The following RAP1GDS1 variants were observed in gnomAD, a reference collection of about 807,000 sequenced individuals.
RAP1GDS1 encodes Rap1 GTPase-GDP dissociation stimulator 1.
In RAP1GDS1, 35 loss-of-function variants were observed where a neutral mutation model predicts 71.1. The ratio of observed to expected loss-of-function variants is 0.49; its 90% confidence interval spans 0.38 to 0.65. RAP1GDS1 has a LOEUF of 0.65. RAP1GDS1 is among the 30% of genes least tolerant of loss of function. The probability of loss-of-function intolerance (pLI) is 0.00; values close to 1 mark genes in which losing one functional copy is unlikely to be tolerated. For synonymous variants in RAP1GDS1, 229 were observed against 243.1 expected, an observed-to-expected ratio of 0.94 and a Z score of 0.54; for missense variants, 663 against 706.1, an observed-to-expected ratio of 0.94 and a Z score of 0.69.
chr4:98,365,082 T>C (rs1174962312), intron 4 of RAP1GDS1, among the ~76,000 whole-genome samples: 1 of 152,134 alleles, frequency 6.6e-6, no homozygotes, highest in Non-Finnish European at 1.5e-5. Flanking sequence ...GATTTATTCT[T>C]GACATTTTCT....
At chr4:98,404,243 C>G (rs1376250893) in intron 6 of RAP1GDS1, among the ~76,000 whole-genome samples, 1 of 152,090 alleles carries the variant, frequency 6.6e-6, no homozygotes, top group Non-Finnish European at 1.5e-5. Flanking sequence ...TTTGTTGTTG[C>G]TGTGGTTACT....
intron 5 of RAP1GDS1, among the ~76,000 whole-genome samples, chr4:98,391,704 A>C (rs1199116188): frequency 1.3e-5 from 2 of 152,158 alleles, no homozygotes; most frequent in East Asian, 3.8e-4. Flanking sequence ...TAATGATTTG[A>C]TATAGTCTTC....
At chr4:98,329,668 A>C (rs1278245627) in intron 2 of RAP1GDS1, among the ~76,000 whole-genome samples, 1 of 151,976 alleles carries the variant, frequency 6.6e-6, no homozygotes, top group African/African-American at 2.4e-5. Flanking sequence ...AGACACCTGT[A>C]ATCCCAGCTA....
chr4:98,421,624 G>A (rs532624381), intron 12 of RAP1GDS1, among the ~76,000 whole-genome samples: 303 of 152,232 alleles, frequency 2.0e-3, no homozygotes, highest in African/African-American at 7.2e-3. Flanking sequence ...TACCACCACC[G>A]TTATCAGCAT....
chr4:98,267,502 C>G (rs1046208614), intron 1 of RAP1GDS1, among the ~76,000 whole-genome samples: 14 of 152,050 alleles, frequency 9.2e-5, no homozygotes, highest in Non-Finnish European at 2.1e-4. Flanking sequence ...TCCATTTGTC[C>G]CCCTCTAGTA....
intron 4 of RAP1GDS1, among the ~76,000 whole-genome samples, chr4:98,363,965 C>G (rs927102102): frequency 6.6e-6 from 1 of 152,006 alleles, no homozygotes; most frequent in Non-Finnish European, 1.5e-5. Context: ...AGTACCTGGA[C>G]AGAAGATGGG....
At chr4:98,318,169 A>T (rs1731225905) in intron 2 of RAP1GDS1, among the ~76,000 whole-genome samples, 1 of 152,016 alleles carries the variant, frequency 6.6e-6, no homozygotes, top group African/African-American at 2.4e-5. Flanking sequence ...TTGAACACTG[A>T]ATCTAGCCAC....
chr4:98,314,623 T>C (rs1179340176), intron 2 of RAP1GDS1, among the ~76,000 whole-genome samples: 1 of 152,186 alleles, frequency 6.6e-6, no homozygotes, highest in East Asian at 1.9e-4. Flanking sequence ...GGGATGCAGT[T>C]CTATTCAACT....
At chr4:98,346,344 T>A (rs1486094163) in intron 3 of RAP1GDS1, among the ~76,000 whole-genome samples, 1 of 152,062 alleles carries the variant, frequency 6.6e-6, no homozygotes, top group East Asian at 1.9e-4. Context: ...AGTCTCCTGT[T>A]CTGTTTTATT....
intron 4 of RAP1GDS1, among the ~76,000 whole-genome samples, chr4:98,363,788 A>G (rs1381929670): frequency 6.6e-6 from 1 of 152,178 alleles, no homozygotes; most frequent in Admixed American, 6.5e-5. Flanking sequence ...GAAGGGAAGC[A>G]TTGAGACTAA....
chr4:98,290,522 T>C (rs1222194891), intron 1 of RAP1GDS1, among the ~76,000 whole-genome samples: 1 of 152,122 alleles, frequency 6.6e-6, no homozygotes, highest in African/African-American at 2.4e-5. Flanking sequence ...TTATGAAAAC[T>C]CTTCCATTGC....
chr4:98,306,116 G>A (rs1729285938), intron 2 of RAP1GDS1, among the ~76,000 whole-genome samples: 1 of 152,186 alleles, frequency 6.6e-6, no homozygotes, highest in Non-Finnish European at 1.5e-5. Flanking sequence ...GGAGTAGTCT[G>A]TGGACATATA....
intron 13 of RAP1GDS1, 111 bp downstream of exon 13, chr4:98,434,173 T>C: frequency 1.6e-6 from 2 of 1,275,472 alleles, no homozygotes; most frequent in East Asian, 2.4e-5. Context: ...ATTTTGCTAG[T>C]GTCTGTACCG....
intron 9 of RAP1GDS1, among the ~76,000 whole-genome samples, chr4:98,418,173 A>G (rs1434395379): frequency 1.3e-5 from 2 of 152,124 alleles, no homozygotes; most frequent in Non-Finnish European, 2.9e-5. Context: ...CTTCCTAATT[A>G]TGGAGGTAAG....
intron 2 of RAP1GDS1, among the ~76,000 whole-genome samples, chr4:98,320,347 G>GT (rs1731631490): frequency 6.6e-6 from 1 of 152,124 alleles, no homozygotes; most frequent in African/African-American, 2.4e-5. Context: ...TAGGTTTTGT[G>GT]TTTTTTGTAG....
At chr4:98,367,928 GA>G (rs1279933694) in intron 4 of RAP1GDS1, among the ~76,000 whole-genome samples, 1 of 152,136 alleles carries the variant, frequency 6.6e-6, no homozygotes, top group Non-Finnish European at 1.5e-5. Context: ...AGTTAATGCT[GA>G]AATAAGAATT....
At chr4:98,436,042 G>A (rs982455823) in intron 13 of RAP1GDS1, among the ~76,000 whole-genome samples, 2 of 151,024 alleles carry the variant, frequency 1.3e-5, no homozygotes, top group African/African-American at 4.9e-5. Flanking sequence ...CTGCACTCCA[G>A]CCTGGGCGAC....
At chr4:98,400,351 TAC>T (rs757049858) in intron 6 of RAP1GDS1, among the ~76,000 whole-genome samples, 2 of 150,928 alleles carry the variant, frequency 1.3e-5, no homozygotes, top group Non-Finnish European at 3.0e-5. Flanking sequence ...TATATGTATA[TAC>T]ACACACACAC....
chr4:98,273,155 G>A (rs1482708284), intron 1 of RAP1GDS1, among the ~76,000 whole-genome samples: 1 of 152,094 alleles, frequency 6.6e-6, no homozygotes, highest in Non-Finnish European at 1.5e-5. Flanking sequence ...TGCACTGTAT[G>A]TTCATTAGCA....
Sources: allele counts gnomAD v4.1 joint callset (sites outside exome capture counted in the v4.1 genomes callset), GRCh38; gene constraint gnomAD v4.1.1; transcripts MANE v1.5; gene names NCBI Gene and HGNC (gene_info 2026-07-23, HGNC 2026-07-21).